Variants in PCDH11X observed in about 807,000 individuals in gnomAD.
PCDH11X encodes protocadherin 11 X-linked, also known as protocadherin-11 X-linked.
PCDH11X carries 18 observed loss-of-function variants against 53.3 expected under a neutral mutation model. That is an observed-to-expected ratio of 0.34 (90% CI 0.23 to 0.50). The LOEUF is 0.50. Ranked by LOEUF, PCDH11X falls within the 20% of genes least tolerant of loss-of-function variation. PCDH11X has a pLI of 0.98. For missense variants in PCDH11X, 570 were observed against 1,032.4 expected (o/e 0.55, Z 6.14); for synonymous variants, 279 against 393.3 (o/e 0.71, Z 3.44).
At chrX:92,078,174 T>A (rs2063804498) in intron 6 of PCDH11X, among the ~76,000 whole-genome samples, 1 of 109,980 alleles carries the variant, frequency 9.1e-6, no homozygotes, top group Non-Finnish European at 1.9e-5. Context: ...TTTTTTTTTT[T>A]CTTTTAAGAT....
At chrX:92,001,716 C>A (rs1301350143) in intron 6 of PCDH11X, among the ~76,000 whole-genome samples, 1 of 110,872 alleles carries the variant, frequency 9.0e-6, no homozygotes, top group East Asian at 2.9e-4. Context: ...GATCTGCCCA[C>A]CTCAGCCTCC....
chrX:92,548,528 T>C (rs1174502652), intron 10 of PCDH11X, among the ~76,000 whole-genome samples: 1 of 111,697 alleles, frequency 9.0e-6, no homozygotes. Flanking sequence ...GGAATGATAG[T>C]TGCTGATGTT....
intron 6 of PCDH11X, among the ~76,000 whole-genome samples, chrX:92,048,077 A>G (rs2063316787): frequency 9.0e-6 from 1 of 111,224 alleles, no homozygotes; most frequent in African/African-American, 3.3e-5. Flanking sequence ...TTAGTAATAT[A>G]CCATGTTTGT....
intron 4 of PCDH11X, among the ~76,000 whole-genome samples, chrX:91,827,803 G>A (rs4345741): frequency 0.11 from 11,727 of 109,723 alleles, 1,580 homozygotes; most frequent in African/African-American, 0.37. Flanking sequence ...TGTTCTATTC[G>A]TCTATGTGTC....
At chrX:91,844,594 T>A (rs1444997740) in intron 5 of PCDH11X, among the ~76,000 whole-genome samples, 1 of 109,868 alleles carries the variant, frequency 9.1e-6, no homozygotes, top group Admixed American at 1.0e-4. Flanking sequence ...ACGACTGTTT[T>A]TTTTTTCCAG....
At chrX:92,454,661 A>T (rs996628445) in intron 9 of PCDH11X, among the ~76,000 whole-genome samples, 6 of 108,298 alleles carry the variant, frequency 5.5e-5, no homozygotes, top group Non-Finnish European at 1.1e-4. Flanking sequence ...TGAGAAAAAG[A>T]CTATTTAGGA....
In PCDH11X at chrX:91,823,496, T is replaced by C. The variant is rs368837960; in HGVS notation, c.-44-11965T>C. Among the ~76,000 whole-genome samples, 19 of 110,915 alleles carry C rather than the reference T, an allele frequency of 1.7e-4. No homozygotes were observed. In the South Asian group the frequency reaches 6.1e-3, roughly 36 times the overall value. On this transcript the variant is annotated intron_variant, in intron 4 of 10. Coordinates refer to ENST00000682573, the MANE Select transcript of PCDH11X (RefSeq NM_032968.5). The stretch of plus-strand genomic sequence containing the variant: ...GTTTTATCAGAGACTAGGATTGCAA[T>C]CCCTGCCTTTTTTTGTTTTCCATTT...
intron 6 of PCDH11X, among the ~76,000 whole-genome samples, chrX:92,008,954 T>C (rs2062645505): frequency 8.9e-6 from 1 of 111,733 alleles, no homozygotes; most frequent in South Asian, 3.7e-4. Flanking sequence ...CTTTGATGCT[T>C]AGGCACTGAT....
chrX:92,101,031 G>C (rs1233975006), intron 6 of PCDH11X, among the ~76,000 whole-genome samples: 1 of 111,377 alleles, frequency 9.0e-6, no homozygotes, highest in Non-Finnish European at 1.9e-5. Flanking sequence ...TAGGACATCT[G>C]ATTAGAGAGT....
At chrX:91,886,694 G>A (rs899926439) in intron 6 of PCDH11X, among the ~76,000 whole-genome samples, 2 of 108,683 alleles carry the variant, frequency 1.8e-5, no homozygotes, top group African/African-American at 3.4e-5. Context: ...ATACTTGGCC[G>A]GGCGCGGTGG....
At chrX:92,099,437 G>T (rs886357059) in intron 6 of PCDH11X, among the ~76,000 whole-genome samples, 2 of 108,432 alleles carry the variant, frequency 1.8e-5, no homozygotes, top group African/African-American at 6.8e-5. Context: ...CTGTGAGCCA[G>T]GTGTCTTCAA....
intron 7 of PCDH11X, among the ~76,000 whole-genome samples, chrX:92,207,630 G>A (rs1224164846): frequency 9.0e-6 from 1 of 111,680 alleles, no homozygotes; most frequent in Non-Finnish European, 1.9e-5. Flanking sequence ...TTGTAATCAT[G>A]TCTTATTTTT....
intron 6 of PCDH11X, among the ~76,000 whole-genome samples, chrX:92,079,859 C>T (rs2063829333): frequency 9.0e-6 from 1 of 111,581 alleles, no homozygotes; most frequent in South Asian, 3.7e-4. Context: ...TCAGCGATTT[C>T]CCAAAGGATG....
intron 10 of PCDH11X, among the ~76,000 whole-genome samples, chrX:92,478,631 A>T: frequency 9.4e-6 from 1 of 105,828 alleles, no homozygotes; most frequent in Non-Finnish European, 2.0e-5. Context: ...ATTTACCTAA[A>T]AGTCATTCAT....
intron 6 of PCDH11X, among the ~76,000 whole-genome samples, chrX:92,174,729 A>G (rs1290364125): frequency 8.9e-6 from 1 of 111,866 alleles, no homozygotes; most frequent in Non-Finnish European, 1.9e-5. Flanking sequence ...TGTTTTACTT[A>G]TATTTCTGAG....
chrX:92,145,334 T>C (rs1357880901), intron 6 of PCDH11X, among the ~76,000 whole-genome samples: 2 of 111,111 alleles, frequency 1.8e-5, no homozygotes, highest in African/African-American at 6.5e-5. Flanking sequence ...TTATTTTCTT[T>C]TTTATGATTT....
At position 92,192,219 on chromosome X, in the gene PCDH11X, C is replaced by T. The variant is rs747323387; in HGVS notation, c.3034-9156C>T. Among the ~76,000 whole-genome samples, 10 of 112,400 alleles carry T rather than the reference C, an allele frequency of 8.9e-5. No individual in the cohort carries two copies. In the South Asian group the frequency reaches 2.6e-3, roughly 29 times the overall value. On this transcript the variant is annotated intron_variant, in intron 6 of 10. Coordinates refer to ENST00000682573, the MANE Select transcript of PCDH11X (RefSeq NM_032968.5). ...ATTGACTTTTTAAAAAGAAAGTTAACTCATAATTGTAATAGCCGCTAACTC... is the reference window on the plus strand; with the variant it reads ...ATTGACTTTTTAAAAAGAAAGTTAATTCATAATTGTAATAGCCGCTAACTC...
intron 6 of PCDH11X, among the ~76,000 whole-genome samples, chrX:92,074,616 T>A (rs908874308): frequency 5.4e-4 from 60 of 111,981 alleles, no homozygotes; most frequent in Non-Finnish European, 9.6e-4. Flanking sequence ...TCAATTTAGC[T>A]TATAGGAAAA....
chrX:92,427,874 A>T (rs867852559), intron 9 of PCDH11X, among the ~76,000 whole-genome samples: 1 of 26,172 alleles, frequency 3.8e-5, no homozygotes, highest in African/African-American at 1.7e-4. Context: ...GCATAGTCTA[A>T]ATTATATTAT....
Sources: gnomAD v4.1 joint callset for allele counts (sites outside exome capture counted in the v4.1 genomes callset) on GRCh38, gnomAD v4.1.1 for gene constraint, MANE v1.5 for transcripts, NCBI Gene and HGNC (gene_info 2026-07-23, HGNC 2026-07-21) for gene names.